ABCC11: variants seen among roughly 807,000 people sequenced by gnomAD.
ABCC11 encodes the protein ATP-binding cassette sub-family C member 11.
ABCC11 carries 135 observed loss-of-function variants against 149.3 expected under a neutral mutation model. The observed-to-expected ratio is 0.90, with a 90% CI of 0.79 to 1.04. The LOEUF (loss-of-function observed/expected upper bound fraction) is 1.04. ABCC11 is among the 50% of genes least tolerant of loss of function. ABCC11 has a pLI of 0.00. For synonymous variants in ABCC11, 665 were observed against 671.4 expected, an observed-to-expected ratio of 0.99 and a Z score of 0.15; for missense variants, 1,680 against 1,722.1, an observed-to-expected ratio of 0.98 and a Z score of 0.43.
intron 24 of ABCC11, among the ~76,000 whole-genome samples, chr16:48,177,720 A>G (rs1596671112): frequency 1.3e-5 from 2 of 152,122 alleles, no homozygotes; most frequent in Non-Finnish European, 2.9e-5. Context: ...GGATCTGACC[A>G]CCTGGCTGCA....
intron 10 of ABCC11, among the ~76,000 whole-genome samples, chr16:48,212,504 A>G (rs1236630212): frequency 6.6e-6 from 1 of 152,238 alleles, no homozygotes; most frequent in Admixed American, 6.5e-5. Flanking sequence ...ATTCAAAGCC[A>G]TCCTGGGCCG....
At chr16:48,183,929 T>C (rs773206655) in intron 23 of ABCC11, among the ~76,000 whole-genome samples, 1 of 152,138 alleles carries the variant, frequency 6.6e-6, no homozygotes. Context: ...CTTAGGCACA[T>C]TTAAGTTTGA....
chr16:48,230,641 A>G, intron 2 of ABCC11, 68 bp from the exon 3 acceptor site: 1 of 1,407,872 alleles, frequency 7.1e-7, no homozygotes, highest in Non-Finnish European at 9.4e-7. Context: ...GGAATGTTGG[A>G]CCAGCTGCCC....
rs1163118050 is a variant in ABCC11 at position 48,214,967 on chromosome 16, T to C, written c.1162A>G (p.Ile388Val). Reference protein sequence around the residue: ...KCGLVQSLTSITLFIIPTVAT... With the variant: ...KCGLVQSLTSVTLFIIPTVAT... ...ACTGTGGGGATGATGAACAAGGTTA[T>C]ACTTGTCAGGCTCTGGACAAGCCCG... The change falls in exon 9 of 30, where the codon ATA (isoleucine) becomes GTA (valine). Residue 388 changes from isoleucine to valine, a missense_variant. Coordinates refer to ENST00000356608, the MANE Select transcript of ABCC11 (RefSeq NM_001370497.1). The C allele has an allele frequency of 6.2e-7, 1 of 1,614,168 alleles. No homozygotes were observed. Among genetic ancestry groups the C allele is most frequent in the Non-Finnish European group, 8.5e-7 (1 of 1,180,020 alleles).
At chr16:48,189,905 C>T (rs1030790924) in intron 20 of ABCC11, among the ~76,000 whole-genome samples, 3 of 152,180 alleles carry the variant, frequency 2.0e-5, no homozygotes, top group Non-Finnish European at 2.9e-5. Flanking sequence ...TCACCTCCTG[C>T]GTCTCCAAGT....
intron 13 of ABCC11, 38 bp from the exon 14 acceptor site, chr16:48,203,338 G>A: frequency 6.6e-7 from 1 of 1,513,920 alleles, no homozygotes; most frequent in Non-Finnish European, 9.0e-7. Context: ...CAGGGGACCA[G>A]CCCTCCCGCC....
chr16:48,188,978 C>T (rs999629991), intron 20 of ABCC11, among the ~76,000 whole-genome samples: 6 of 152,220 alleles, frequency 3.9e-5, no homozygotes, highest in Admixed American at 6.5e-5. Context: ...CTGCTCTCAT[C>T]GCAAATGCAT....
At chr16:48,222,892 G>C in intron 5 of ABCC11, 61 bp from the exon 6 acceptor site, 2 of 1,414,090 alleles carry the variant, frequency 1.4e-6, no homozygotes, top group Non-Finnish European at 2.0e-6. Flanking sequence ...TTGATGTTTT[G>C]TTGCTGGAAG....
chr16:48,199,046 A>C (rs1438952660), intron 15 of ABCC11, among the ~76,000 whole-genome samples: 2 of 151,056 alleles, frequency 1.3e-5, no homozygotes, highest in Non-Finnish European at 2.9e-5. Context: ...AAAAATATAT[A>C]TATATATCTA....
At position 48,222,738 on chromosome 16, in the gene ABCC11, C is replaced by T. The variant is rs577177114; in HGVS notation, c.637G>A (p.Glu213Lys). The change falls in exon 6 of 30, where the codon GAA (glutamate) becomes AAA (lysine). Residue 213 changes from glutamate to lysine, a missense_variant. Coordinates refer to ENST00000356608, the MANE Select transcript of ABCC11 (RefSeq NM_001370497.1). ...GAGAAACTCAGAGACTTCACACATT[C>T]GGAGAGAAAAAGGGCAAAGCAGAGT... ...VGLCFALFLSECVKSLSFSSS... is the reference protein window; with the variant it reads ...VGLCFALFLSKCVKSLSFSSS... 3.4e-5 allele frequency: 55 copies of T among 1,614,190 alleles called. No homozygotes were observed. Among genetic ancestry groups the T allele is most frequent in the East Asian group, 1.6e-4 (7 of 44,892 alleles).
rs947883659 is a variant in ABCC11, at chr16:48,222,735, A to T, written c.640T>A (p.Cys214Ser). The change falls in exon 6 of 30, where the codon TGT becomes AGT. Residue 214 changes from cysteine (C) to serine (S), a missense_variant. Coordinates refer to ENST00000356608, the MANE Select transcript of ABCC11 (RefSeq NM_001370497.1). ...GAGGAGAAACTCAGAGACTTCACACATTCGGAGAGAAAAAGGGCAAAGCAG... is the reference window on the plus strand; with the variant it reads ...GAGGAGAAACTCAGAGACTTCACACTTTCGGAGAGAAAAAGGGCAAAGCAG... ...GLCFALFLSECVKSLSFSSSW... is the reference protein window; with the variant it reads ...GLCFALFLSESVKSLSFSSSW... 6.2e-7 allele frequency: 1 copy of T among 1,614,270 alleles called. No individual in the cohort carries two copies. The highest frequency in any genetic ancestry group is 1.3e-5 in the African/African-American group (1 of 75,076).
At chr16:48,200,174 C>T (rs1438761129) in intron 15 of ABCC11, 102 bp downstream of exon 15, 6 of 1,280,986 alleles carry the variant, frequency 4.7e-6, no homozygotes, top group Non-Finnish European at 6.5e-6. Context: ...GAGATGAGGA[C>T]AGCTGCTGGG....
At chr16:48,238,021 T>G (rs919149128) in intron 1 of ABCC11, among the ~76,000 whole-genome samples, 13 of 152,262 alleles carry the variant, frequency 8.5e-5, no homozygotes, top group Non-Finnish European at 1.9e-4. Flanking sequence ...GTCAGCTTCA[T>G]GAAAGCAGAA....
At chr16:48,221,603 C>G (rs899623084) in intron 6 of ABCC11, among the ~76,000 whole-genome samples, 1 of 152,216 alleles carries the variant, frequency 6.6e-6, no homozygotes, top group East Asian at 1.9e-4. Flanking sequence ...TTCCCATACC[C>G]TCACCCTCAG....
rs1263550444 is a variant in ABCC11 at position 48,184,438 on chromosome 16, A to C, written c.3258+2T>G. 6.2e-7 allele frequency: 1 copy of C among 1,613,408 alleles called. No homozygotes were observed. On this transcript the variant is annotated splice_donor_variant, in intron 23 of 29. Coordinates refer to ENST00000356608, the MANE Select transcript of ABCC11 (RefSeq NM_001370497.1). LOFTEE classifies it high-confidence loss of function. ...AGGGCCCACACAGAGTCACCCCCTC[A>C]CCTGCAGCACGATGTTGACAGCCAT...
chr16:48,213,160 A>T (rs1422690789), intron 10 of ABCC11, among the ~76,000 whole-genome samples: 2 of 152,212 alleles, frequency 1.3e-5, no homozygotes, highest in East Asian at 3.9e-4. Flanking sequence ...AAAACTATCT[A>T]TTGGGGTAAC....
intron 23 of ABCC11, among the ~76,000 whole-genome samples, chr16:48,181,989 C>G (rs1966464636): frequency 6.6e-6 from 1 of 152,152 alleles, no homozygotes; most frequent in Admixed American, 6.5e-5. Context: ...GAGAGCACGG[C>G]CAGTGCCTGG....
intron 6 of ABCC11, among the ~76,000 whole-genome samples, chr16:48,217,408 C>G (rs1410344869): frequency 1.3e-5 from 2 of 152,044 alleles, no homozygotes; most frequent in Non-Finnish European, 2.9e-5. Flanking sequence ...CCAGCCTGAA[C>G]AACATGGTGA....
rs760705007 is a variant in ABCC11, at chr16:48,187,001, C to T, written c.3023G>A (p.Gly1008Asp). 2.5e-6 allele frequency: 4 copies of T among 1,614,128 alleles called. No homozygotes were observed. The South Asian group carries it at 3.3e-5, about 13-fold the overall frequency. ...TCCATAGACATGGATGGAGCTCAGG[C>T]CTTGCAGAGAATTGAGGATGTGGGA... ...LFSHILNSLQ[G>D]LSSIHVYGKT... Residue 1008 changes from glycine to aspartate, a missense_variant, in exon 22 of 30, where the codon GGC becomes GAC. By Grantham distance (94) the Gly-to-Asp change is moderately conservative (BLOSUM62 -1). Transcript: ENST00000356608.
Sources: gnomAD v4.1 joint callset for allele counts (sites outside exome capture counted in the v4.1 genomes callset) on GRCh38, gnomAD v4.1.1 for gene constraint, MANE v1.5 for transcripts, NCBI Gene and HGNC (gene_info 2026-07-23, HGNC 2026-07-21) for gene names.